ETV6: variants seen among roughly 807,000 people sequenced by gnomAD.
ETV6 encodes transcription factor ETV6.
Under a neutral mutation model 51.1 loss-of-function variants are expected in ETV6, and 16 were observed. The ratio of observed to expected loss-of-function variants is 0.31; its 90% confidence interval spans 0.21 to 0.48. ETV6 has a LOEUF of 0.48. Among genes scored for constraint, ETV6 ranks in the 20% least tolerant of loss-of-function variants. The pLI is 0.99. For synonymous variants in ETV6, 240 were observed against 224.1 expected, an observed-to-expected ratio of 1.07 and a Z score of -0.64; for missense variants, 458 against 594.8, an observed-to-expected ratio of 0.77 and a Z score of 2.39.
chr12:11,696,294 A>G (rs1864877154), intron 1 of ETV6, among the ~76,000 whole-genome samples: 1 of 152,182 alleles, frequency 6.6e-6, no homozygotes. Context: ...TCTGTTTGTC[A>G]CTGCTTTATT....
intron 1 of ETV6, chr12:11,716,588 A>G (rs550226312): frequency 1.3e-5 from 2 of 152,326 alleles, no homozygotes; most frequent in African/African-American, 4.8e-5. Context: ...CTCTTCTAGC[A>G]ATGCTCCAAG....
intron 1 of ETV6, among the ~76,000 whole-genome samples, chr12:11,712,488 C>T (rs1438984928): frequency 6.6e-6 from 1 of 152,136 alleles, no homozygotes; most frequent in Non-Finnish European, 1.5e-5. Context: ...ACAGGTCGTG[C>T]TCATCTGTGT....
intron 2 of ETV6, among the ~76,000 whole-genome samples, chr12:11,798,177 A>G (rs1945704009): frequency 9.2e-5 from 14 of 152,208 alleles, no homozygotes; most frequent in Admixed American, 9.2e-4. Context: ...CCAACAAATT[A>G]GAACGTAGGG....
At chr12:11,855,544 C>T (rs1372817229) in intron 4 of ETV6, among the ~76,000 whole-genome samples, 1 of 152,190 alleles carries the variant, frequency 6.6e-6, no homozygotes, top group Non-Finnish European at 1.5e-5. Flanking sequence ...AAAATGATTG[C>T]TCATCCCCAA....
chr12:11,766,668 G>T (rs1945166306), intron 2 of ETV6, among the ~76,000 whole-genome samples: 1 of 151,668 alleles, frequency 6.6e-6, no homozygotes, highest in African/African-American at 2.4e-5. Context: ...GGCCTTATAG[G>T]TTATGTGACA....
chr12:11,853,363 C>G, intron 3 of ETV6, 64 bp from the exon 4 acceptor site: 1 of 1,600,802 alleles, frequency 6.2e-7, no homozygotes, highest in Non-Finnish European at 8.5e-7. Context: ...AGCTGCTGCT[C>G]CGTAGATCGT....
At chr12:11,811,799 G>C (rs1945918150) in intron 2 of ETV6, among the ~76,000 whole-genome samples, 1 of 152,164 alleles carries the variant, frequency 6.6e-6, no homozygotes, top group East Asian at 1.9e-4. Context: ...GAAGACAGGA[G>C]ACTAGATGAC....
At chr12:11,837,978 A>G (rs1946340041) in intron 2 of ETV6, among the ~76,000 whole-genome samples, 1 of 152,248 alleles carries the variant, frequency 6.6e-6, no homozygotes, top group Admixed American at 6.5e-5. Context: ...TTTAGCAAGT[A>G]AAATAGCCAA....
intron 1 of ETV6, among the ~76,000 whole-genome samples, chr12:11,738,275 TTCTC>T (rs907887867): frequency 6.8e-6 from 1 of 146,872 alleles, no homozygotes; most frequent in Non-Finnish European, 1.5e-5. Context: ...CTCTTTCTCT[TTCTC>T]TCTCTCTCTG....
chr12:11,658,730 C>A (rs1029575914), intron 1 of ETV6, among the ~76,000 whole-genome samples: 3 of 152,204 alleles, frequency 2.0e-5, no homozygotes, highest in African/African-American at 7.2e-5. Context: ...TAATTGAATA[C>A]AAGCCTCAAC....
intron 1 of ETV6, among the ~76,000 whole-genome samples, chr12:11,682,077 A>G (rs1226415283): frequency 1.3e-5 from 2 of 152,234 alleles, no homozygotes; most frequent in Non-Finnish European, 2.9e-5. Context: ...CCCTTTGGGT[A>G]TATACCTAGT....
intron 3 of ETV6, among the ~76,000 whole-genome samples, chr12:11,841,586 A>G (rs1031695366): frequency 2.6e-5 from 4 of 152,214 alleles, no homozygotes; most frequent in African/African-American, 9.6e-5. Flanking sequence ...TAGATCAGTT[A>G]GGAGGTGGCA....
At chr12:11,722,211 C>A (rs762625209) in intron 1 of ETV6, among the ~76,000 whole-genome samples, 4 of 152,182 alleles carry the variant, frequency 2.6e-5, no homozygotes, top group African/African-American at 4.8e-5. Context: ...ATCAGAACTG[C>A]TAACAAGGAG....
chr12:11,831,718 A>G (rs1946249298), intron 2 of ETV6, among the ~76,000 whole-genome samples: 1 of 152,200 alleles, frequency 6.6e-6, no homozygotes, highest in East Asian at 1.9e-4. Context: ...ATTTTTCAAT[A>G]TGAATACATA....
In ETV6 at chr12:11,893,792, T is replaced by TATATA; in HGVS notation, c.*2746_*2747insATATA. 1 of 42,154 alleles carries TATATA rather than the reference T, an allele frequency of 2.4e-5. No homozygotes were observed. Among genetic ancestry groups the TATATA allele is most frequent in the African/African-American group, 1.2e-4 (1 of 8,566 alleles). The allele number at this position is 42,154 out of a possible 1,614,324, so 2.6% of individuals were successfully genotyped here. A position where few individuals can be genotyped will look rare whatever the true frequency, so the allele number is the denominator to read the frequency against. On this transcript the variant is annotated 3_prime_UTR_variant, in exon 8 of 8. Coordinates refer to ENST00000396373, the MANE Select transcript of ETV6 (RefSeq NM_001987.5). ...TTGTGTCCATCCCCAAGATCTCTCA[T>TATATA]TTTATATATATATATATATATATAT...
chr12:11,758,958 T>C (rs1251395777), intron 2 of ETV6, among the ~76,000 whole-genome samples: 1 of 152,202 alleles, frequency 6.6e-6, no homozygotes, highest in East Asian at 1.9e-4. Context: ...CACATGTGGC[T>C]GTACGAGGGC....
chr12:11,685,565 A>C (rs2120764474), intron 1 of ETV6, among the ~76,000 whole-genome samples: 1 of 152,202 alleles, frequency 6.6e-6, no homozygotes, highest in East Asian at 1.9e-4. Flanking sequence ...AAAACCAGGA[A>C]GTGGGAAGCA....
At chr12:11,828,368 C>G (rs1249480956) in intron 2 of ETV6, among the ~76,000 whole-genome samples, 1 of 152,140 alleles carries the variant, frequency 6.6e-6, no homozygotes. Context: ...CTGTGCGTTT[C>G]AAATAAAGAA....
intron 1 of ETV6, among the ~76,000 whole-genome samples, chr12:11,687,398 C>A (rs57067656): frequency 7.6e-4 from 115 of 152,046 alleles, no homozygotes; most frequent in African/African-American, 2.6e-3. Flanking sequence ...CCAGGCTGGT[C>A]TCAAAACTCC....
Sources: allele counts gnomAD v4.1 joint callset (sites outside exome capture counted in the v4.1 genomes callset), GRCh38; gene constraint gnomAD v4.1.1; transcripts MANE v1.5; gene names NCBI Gene and HGNC (gene_info 2026-07-23, HGNC 2026-07-21).